ZC3H6: variants seen among roughly 807,000 people sequenced by gnomAD.
ZC3H6 encodes the protein zinc finger CCCH-type containing 6.
ZC3H6 carries 40 observed loss-of-function variants against 107.7 expected under a neutral mutation model. The observed-to-expected ratio is 0.37, with a 90% CI of 0.29 to 0.48. The LOEUF is 0.48. ZC3H6 is among the 20% of genes least tolerant of loss of function. The pLI is 0.98. For synonymous variants in ZC3H6, 493 were observed against 487.9 expected (o/e 1.01, Z -0.14); for missense variants, 1,267 against 1,410.4 (o/e 0.90, Z 1.63).
rs369082675 is a variant in ZC3H6, at chr2:112,324,402, C to G, written c.1591C>G (p.Gln531Glu). Reference sequence around the variant, plus strand: ...ACCTGAAATTGTAGGTCCTCAAAATCAAGCTGGAGTGCTTGTTCAACCAGA... The same window carrying G: ...ACCTGAAATTGTAGGTCCTCAAAATGAAGCTGGAGTGCTTGTTCAACCAGA... Reference protein sequence around the residue: ...GPPEIVGPQNQAGVLVQPDTS... With the variant: ...GPPEIVGPQNEAGVLVQPDTS... The change falls in exon 10 of 12, where the codon CAA becomes GAA. Residue 531 changes from glutamine (Q) to glutamate (E), a missense_variant. By Grantham distance (29) the Gln-to-Glu change is conservative (BLOSUM62 2). This residue lies in a region of ZC3H6 where 925 missense variants were observed against 1,025.7 expected (regional missense o/e 0.90). Transcript: ENST00000409871. 1 of 1,613,920 alleles carries G rather than the reference C, an allele frequency of 6.2e-7. No individual in the cohort carries two copies. The highest frequency in any genetic ancestry group is 8.5e-7 in the Non-Finnish European group (1 of 1,179,906).
At chr2:112,301,806 T>C (rs907684324) in intron 2 of ZC3H6, among the ~76,000 whole-genome samples, 4 of 151,878 alleles carry the variant, frequency 2.6e-5, no homozygotes, top group African/African-American at 9.7e-5. Context: ...TGAAAACCAA[T>C]AGTTTTTTAA....
Position 112,322,631 on chromosome 2 carries a change from T to C in ZC3H6, c.1087-18T>C. 1 of 1,575,902 alleles carries C rather than the reference T, an allele frequency of 6.3e-7. No individual in the cohort carries two copies. Among genetic ancestry groups the C allele is most frequent in the South Asian group, 1.2e-5 (1 of 84,458 alleles). On this transcript the variant is annotated intron_variant, in intron 8 of 11. Coordinates refer to ENST00000409871, the MANE Select transcript of ZC3H6 (RefSeq NM_198581.3). ...AAAGACTCGCTTTGAAATAGTAATCTTTGCCAATTATTTTTAGGTGTTGAA... is the reference window on the plus strand; with the variant it reads ...AAAGACTCGCTTTGAAATAGTAATCCTTGCCAATTATTTTTAGGTGTTGAA...
intron 3 of ZC3H6, 27 bp from the exon 4 acceptor site, chr2:112,309,858 T>G: frequency 6.5e-7 from 1 of 1,542,284 alleles, no homozygotes. Flanking sequence ...TGAAAAATCC[T>G]GATAATGATT....
chr2:112,318,698 A>G (rs1157725698), intron 7 of ZC3H6, among the ~76,000 whole-genome samples: 1 of 152,126 alleles, frequency 6.6e-6, no homozygotes, highest in African/African-American at 2.4e-5. Flanking sequence ...TATGGAGGAG[A>G]GCTTGGTAAA....
chr2:112,304,938 A>G (rs1370298509), intron 3 of ZC3H6, among the ~76,000 whole-genome samples: 1 of 152,176 alleles, frequency 6.6e-6, no homozygotes, highest in Non-Finnish European at 1.5e-5. Flanking sequence ...TAAATAAATG[A>G]GGTTTTATTA....
chr2:112,313,002 T>C (rs542783639), intron 5 of ZC3H6, among the ~76,000 whole-genome samples: 35 of 152,166 alleles, frequency 2.3e-4, no homozygotes, highest in Non-Finnish European at 4.9e-4. Context: ...CTCCTTAGTA[T>C]ACTGTTTCAG....
chr2:112,296,705 C>T (rs1438431395), intron 1 of ZC3H6, among the ~76,000 whole-genome samples: 1 of 152,136 alleles, frequency 6.6e-6, no homozygotes. Flanking sequence ...AGGGTCGTAT[C>T]ATATGCCTCT....
Position 112,289,322 on chromosome 2 carries a change from C to CTT in ZC3H6, c.33-10511_33-10510dup, listed in dbSNP as rs1228912169. ...CCCTGAACACTTTTTTTTTCTTTTT[C>CTT]TTTTTTTTTTTTTTTTTGAGATGGA... On this transcript the variant is annotated intron_variant, in intron 1 of 11. Coordinates refer to ENST00000409871, the MANE Select transcript of ZC3H6 (RefSeq NM_198581.3). 4.9e-3 allele frequency among the ~76,000 whole-genome samples: 322 copies of CTT among 65,416 alleles called. 3 individuals are homozygous for CTT. The highest frequency in any genetic ancestry group is 0.015 in the African/African-American group (286 of 19,144). 42.9% of individuals were successfully genotyped at this position (65,416 alleles called of 152,430 possible).
chr2:112,304,883 G>A (rs888067040), intron 3 of ZC3H6, among the ~76,000 whole-genome samples: 1 of 152,122 alleles, frequency 6.6e-6, no homozygotes, highest in African/African-American at 2.4e-5. Flanking sequence ...TCTATAGTCT[G>A]ATTCACTGTT....
intron 2 of ZC3H6, among the ~76,000 whole-genome samples, chr2:112,300,956 A>T (rs1399405134): frequency 6.6e-6 from 1 of 152,230 alleles, no homozygotes; most frequent in Non-Finnish European, 1.5e-5. Flanking sequence ...CATTGACAAC[A>T]TCTACAAAAA....
intron 7 of ZC3H6, among the ~76,000 whole-genome samples, chr2:112,321,176 T>C (rs1676794083): frequency 1.3e-5 from 2 of 152,016 alleles, no homozygotes. Context: ...TACGTTTGTC[T>C]CCAAAATCCT....
intron 8 of ZC3H6, among the ~76,000 whole-genome samples, chr2:112,322,378 A>T (rs2104720812): frequency 6.8e-6 from 1 of 146,032 alleles, no homozygotes; most frequent in South Asian, 2.2e-4. Flanking sequence ...CTCCCACCTC[A>T]ACCTTCTGAG....
chr2:112,325,425 C>T lies in ZC3H6; in HGVS notation c.2086+228C>T, dbSNP rs1676889650. Among the ~76,000 whole-genome samples, 1 of 151,356 alleles carries T rather than the reference C, an allele frequency of 6.6e-6. No homozygotes were observed. Among genetic ancestry groups the T allele is most frequent in the Non-Finnish European group, 1.5e-5 (1 of 67,916 alleles). On this transcript the variant is annotated intron_variant, in intron 11 of 11. Coordinates refer to ENST00000409871, the MANE Select transcript of ZC3H6 (RefSeq NM_198581.3). Reference sequence around the variant, plus strand: ...AGGAGAATCGCTTCAACTTGGGAGGCAGAGGTTGCAGTGAGACTAGGCAAC... The same window carrying T: ...AGGAGAATCGCTTCAACTTGGGAGGTAGAGGTTGCAGTGAGACTAGGCAAC...
At chr2:112,325,508 C>T (rs1676890844) in intron 11 of ZC3H6, among the ~76,000 whole-genome samples, 1 of 151,994 alleles carries the variant, frequency 6.6e-6, no homozygotes, top group Admixed American at 6.6e-5. Context: ...TCTTCTATTT[C>T]CAATGTATTT....
At chr2:112,311,747 TA>T (rs1676597011) in intron 4 of ZC3H6, 56 bp from the exon 5 acceptor site, 5 of 1,481,544 alleles carry the variant, frequency 3.4e-6, no homozygotes, top group Non-Finnish European at 4.6e-6. Context: ...TATAAACTAA[TA>T]AATTGAAAGG....
intron 5 of ZC3H6, among the ~76,000 whole-genome samples, chr2:112,312,829 C>T (rs1483771840): frequency 1.3e-5 from 2 of 149,254 alleles, no homozygotes; most frequent in Non-Finnish European, 2.9e-5. Context: ...CACTACACTC[C>T]AGCCTGGGTG....
Position 112,338,808 on chromosome 2 carries a change from C to T in ZC3H6, c.*6320C>T, listed in dbSNP as rs1677182502. ...CTCAAACCTCCATTACCACTAATAT[C>T]TTGGGGTTGTCAATGATAGACTATA... On this transcript the variant is annotated 3_prime_UTR_variant, in exon 12 of 12. Coordinates refer to ENST00000409871, the MANE Select transcript of ZC3H6 (RefSeq NM_198581.3). 1 of 141,936 alleles carries T rather than the reference C, an allele frequency of 7.0e-6. No individual in the cohort carries two copies. Among genetic ancestry groups the T allele is most frequent in the Non-Finnish European group, 1.5e-5 (1 of 65,232 alleles). The allele number at this position is 141,936 out of a possible 1,614,324, so 8.8% of individuals were successfully genotyped here.
In ZC3H6 at chr2:112,332,405, A is replaced by G. The variant is rs1677054824; in HGVS notation, c.3487A>G (p.Asn1163Asp). Residue 1163 changes from asparagine (N) to aspartate (D), a missense_variant, in exon 12 of 12, where the codon AAT becomes GAT. Around this residue, in one of 3 missense-constraint regions of ZC3H6, gnomAD observed 925 missense variants for 1,025.7 expected, o/e 0.90. Transcript: ENST00000409871. Reference sequence around the variant, plus strand: ...AGGACAGGGGAGCCCGACCCCAGATAATGATCCCGGTAGAGAAACAGATGA... The same window carrying G: ...AGGACAGGGGAGCCCGACCCCAGATGATGATCCCGGTAGAGAAACAGATGA... The part of the protein sequence containing the change: ...QPGQGSPTPD[N>D]DPGRETDDKS... The G allele has an allele frequency of 1.9e-6, 3 of 1,613,414 alleles. No homozygotes were observed. The highest frequency in any genetic ancestry group is 1.3e-5 in the African/African-American group (1 of 74,912).
chr2:112,293,519 A>G (rs1676159260), intron 1 of ZC3H6, among the ~76,000 whole-genome samples: 1 of 152,246 alleles, frequency 6.6e-6, no homozygotes, highest in Admixed American at 6.5e-5. Context: ...GAGAAAATGG[A>G]GATACAAAAA....
Sources: allele counts gnomAD v4.1 joint callset (sites outside exome capture counted in the v4.1 genomes callset), GRCh38; gene constraint gnomAD v4.1.1; regional missense constraint gnomAD v4.1.1; transcripts MANE v1.5; gene names NCBI Gene and HGNC (gene_info 2026-07-23, HGNC 2026-07-21).